Variants in RAB8A observed in about 807,000 individuals in gnomAD.
RAB8A encodes ras-related protein Rab-8A.
A neutral mutation model predicts 29.2 loss-of-function variants in RAB8A; 5 were observed. The ratio of observed to expected loss-of-function variants is 0.17; its 90% confidence interval spans 0.09 to 0.36. RAB8A has a LOEUF of 0.36. RAB8A is among the 10% of genes least tolerant of loss of function. The probability of loss-of-function intolerance (pLI) is 1.00; values close to 1 mark genes in which losing one functional copy is unlikely to be tolerated. For synonymous variants in RAB8A, 108 were observed against 99.9 expected (o/e 1.08, Z -0.49); for missense variants, 171 against 272.2 (o/e 0.63, Z 2.62).
Position 16,111,910 on chromosome 19 carries a change from G to A in RAB8A, c.9G>A (p.Lys3=), listed in dbSNP as rs1164742527. 2 of 1,613,888 alleles carry A rather than the reference G, an allele frequency of 1.2e-6. No individual in the cohort carries two copies. Among genetic ancestry groups the A allele is most frequent in the Non-Finnish European group, 1.7e-6 (2 of 1,179,884 alleles). Residue 3 remains lysine, a synonymous_variant, in exon 1 of 8, where the codon AAG becomes AAA. Transcript: ENST00000300935. ...CGGGGAGAGAGTGTAATATGGCGAA[G>A]ACCTACGATTACCTGTTCAAGCTGC... is the stretch of plus-strand genomic sequence containing the variant. MA[K]TYDYLFKLLL... is the part of the protein sequence containing the mutation.
Position 16,127,988 on chromosome 19 carries a change from G to A in RAB8A, c.415-38G>A, listed in dbSNP as rs369288283. On this transcript the variant is annotated intron_variant, in intron 5 of 7. Transcript: ENST00000300935. This position sits in a 1 kb window ranked among gnomAD's most constrained non-coding sequence, Gnocchi z 4.8. ...TTAGGCAAGCTCAGATGCGCCCGGC[G>A]GCTGGTGTGCTCATGCGTGTGCCTC... The A allele has an allele frequency of 1.0e-5, 16 of 1,607,752 alleles. No homozygotes were observed. Among genetic ancestry groups the A allele is most frequent in the African/African-American group, 6.7e-5 (5 of 74,772 alleles).
At chr19:16,112,326 C>T (rs921119042) in intron 1 of RAB8A, 2 of 355,788 alleles carry the variant, frequency 5.6e-6, no homozygotes, top group East Asian at 5.7e-5. Context: ...TCTGTCCTAG[C>T]AGCAGCCCTC....
At position 16,132,369 on chromosome 19, in the gene RAB8A, T is replaced by TC; in HGVS notation, c.*66dup. ...ACTGTGCCTGTTCTGAGTGAGCCCC[T>TC]CACTCAGCCGGGGCCCTCCCACCTC... On this transcript the variant is annotated 3_prime_UTR_variant, in exon 8 of 8. Coordinates refer to ENST00000300935, the MANE Select transcript of RAB8A (RefSeq NM_005370.5). The surrounding 1 kb of genome is among the most constrained non-coding windows in gnomAD (Gnocchi z 5.6). 1 of 1,535,038 alleles carries TC rather than the reference T, an allele frequency of 6.5e-7. No homozygotes were observed. Among genetic ancestry groups the TC allele is most frequent in the Non-Finnish European group, 8.9e-7 (1 of 1,124,036 alleles).
At chr19:16,121,460 T>A (rs1014807596) in intron 2 of RAB8A, among the ~76,000 whole-genome samples, 1 of 152,318 alleles carries the variant, frequency 6.6e-6, no homozygotes, top group South Asian at 2.1e-4. Flanking sequence ...CTGGCTCTTC[T>A]GTGAACCAGA....
At chr19:16,128,733 G>A (rs2090912766) in intron 6 of RAB8A, among the ~76,000 whole-genome samples, 1 of 152,190 alleles carries the variant, frequency 6.6e-6, no homozygotes, top group East Asian at 1.9e-4. Flanking sequence ...CAGGCCACCT[G>A]GGCTGCTCCC....
intron 2 of RAB8A, among the ~76,000 whole-genome samples, chr19:16,120,313 A>AT (rs546591257): frequency 0.025 from 3,305 of 130,434 alleles, 126 homozygotes; most frequent in African/African-American, 0.068. Flanking sequence ...GTCACCTTTA[A>AT]TTTTTTTTTT....
intron 3 of RAB8A, chr19:16,123,853 C>A (rs1247154028): frequency 2.6e-5 from 4 of 151,992 alleles, no homozygotes; most frequent in Non-Finnish European, 5.9e-5. Flanking sequence ...AGACGGGGCC[C>A]TGGAAAATAG....
chr19:16,129,293 G>A (rs1292417146), intron 6 of RAB8A, among the ~76,000 whole-genome samples: 5 of 151,966 alleles, frequency 3.3e-5, no homozygotes, highest in African/African-American at 9.7e-5. Flanking sequence ...TGGCACATGC[G>A]TAAAGTCCCG....
intron 6 of RAB8A, among the ~76,000 whole-genome samples, chr19:16,129,172 A>G (rs1250218059): frequency 6.6e-6 from 1 of 152,054 alleles, no homozygotes; most frequent in East Asian, 1.9e-4. Flanking sequence ...ATCCTTCTGG[A>G]TTGGTCGGTT....
intron 1 of RAB8A, among the ~76,000 whole-genome samples, chr19:16,117,315 C>T (rs2090850499): frequency 6.6e-6 from 1 of 151,932 alleles, no homozygotes; most frequent in African/African-American, 2.4e-5. Context: ...ACGGTGAAAC[C>T]CCATCTCTAC....
chr19:16,128,052 C>T lies in RAB8A; in HGVS notation c.441C>T (p.Phe147=), dbSNP rs762390729. ...TGGCCCTCGACTATGGAATCAAGTTCATGGAGACCAGCGCGAAGGCCAACA... is the reference window on the plus strand; with the variant it reads ...TGGCCCTCGACTATGGAATCAAGTTTATGGAGACCAGCGCGAAGGCCAACA... ...EKLALDYGIK[F]METSAKANIN... is the part of the protein sequence containing the mutation. The change falls in exon 6 of 8, where the codon TTC becomes TTT. Residue 147 remains phenylalanine, a synonymous_variant. Coordinates refer to ENST00000300935, the MANE Select transcript of RAB8A (RefSeq NM_005370.5). 1.2e-5 allele frequency: 19 copies of T among 1,614,062 alleles called. No homozygotes were observed. The highest frequency in any genetic ancestry group is 5.3e-5 in the African/African-American group (4 of 74,932).
intron 3 of RAB8A, among the ~76,000 whole-genome samples, chr19:16,123,334 G>A (rs569714073): frequency 4.6e-5 from 7 of 152,208 alleles, no homozygotes; most frequent in Admixed American, 2.6e-4. Flanking sequence ...CCAGCCAGGC[G>A]CAGTGGCTGA....
At position 16,127,308 on chromosome 19, in the gene RAB8A, C is replaced by T; in HGVS notation, c.325-129C>T. 4.1e-6 allele frequency: 2 copies of T among 489,876 alleles called. No individual in the cohort carries two copies. The highest frequency in any genetic ancestry group is 6.8e-6 in the Non-Finnish European group (2 of 295,760). 30.3% of individuals were successfully genotyped at this position (489,876 alleles called of 1,614,324 possible). A position where few individuals can be genotyped will look rare whatever the true frequency, so the allele number is the denominator to read the frequency against. ...TGGCCTCTCTGAGCTTCAGCTTGTCCCTTAGACCAGGCTGTACCTAGCAGT... is the reference window on the plus strand; with the variant it reads ...TGGCCTCTCTGAGCTTCAGCTTGTCTCTTAGACCAGGCTGTACCTAGCAGT... On this transcript the variant is annotated intron_variant, in intron 4 of 7. Coordinates refer to ENST00000300935, the MANE Select transcript of RAB8A (RefSeq NM_005370.5). The surrounding 1 kb of genome is among the most constrained non-coding windows in gnomAD (Gnocchi z 4.8).
At chr19:16,123,614 C>T (rs1253442959) in intron 3 of RAB8A, 1 of 152,110 alleles carries the variant, frequency 6.6e-6, no homozygotes, top group Non-Finnish European at 1.5e-5. Flanking sequence ...CGCTTAACTA[C>T]TTAATTAATT....
intron 2 of RAB8A, among the ~76,000 whole-genome samples, chr19:16,118,857 C>A (rs566969833): frequency 1.3e-5 from 2 of 152,306 alleles, no homozygotes; most frequent in Admixed American, 6.5e-5. Context: ...TTCCCATGCA[C>A]ATACAATTAG....
rs2090908056 is a variant in RAB8A, at chr19:16,127,689, T to C, written c.414+163T>C. 6.5e-6 allele frequency: 4 copies of C among 618,818 alleles called. No homozygotes were observed. Among genetic ancestry groups the C allele is most frequent in the Non-Finnish European group, 1.1e-5 (4 of 358,852 alleles). The allele number at this position is 618,818 out of a possible 1,614,324, so 38.3% of individuals were successfully genotyped here. A position where few individuals can be genotyped will look rare whatever the true frequency, so the allele number is the denominator to read the frequency against. The stretch of plus-strand genomic sequence containing the variant: ...GAAGCACACACCCAGCCGGGGCTTC[T>C]TGGGTGCACTCTGCGGGCATCTCAT... On this transcript the variant is annotated intron_variant, in intron 5 of 7. Coordinates refer to ENST00000300935, the MANE Select transcript of RAB8A (RefSeq NM_005370.5). This position sits in a 1 kb window ranked among gnomAD's most constrained non-coding sequence, Gnocchi z 4.8.
In RAB8A at chr19:16,125,014, TGTGC is replaced by T; in HGVS notation, c.247-455_247-452del. ...CGGGTCAGGACTTCCTGGGCTCAGT[TGTGC>T]CTGGTAGGTGGCTCAGGCAGAGCGT... On this transcript the variant is annotated intron_variant, in intron 3 of 7. Coordinates refer to ENST00000300935, the MANE Select transcript of RAB8A (RefSeq NM_005370.5). This position sits in a 1 kb window ranked among gnomAD's most constrained non-coding sequence, Gnocchi z 5.0. 1 of 225,596 alleles carries T rather than the reference TGTGC, an allele frequency of 4.4e-6. No individual in the cohort carries two copies. The highest frequency in any genetic ancestry group is 9.2e-6 in the Non-Finnish European group (1 of 108,918). The allele number at this position is 225,596 out of a possible 1,614,324, so 14.0% of individuals were successfully genotyped here.
chr19:16,119,631 C>T (rs1463164222), intron 2 of RAB8A, among the ~76,000 whole-genome samples: 1 of 148,280 alleles, frequency 6.7e-6, no homozygotes, highest in East Asian at 1.9e-4. Context: ...AGTTTCTCCA[C>T]TTCCAGCACG....
intron 3 of RAB8A, 169 bp downstream of exon 3, chr19:16,121,979 C>T (rs2090877525): frequency 1.7e-6 from 1 of 591,768 alleles, no homozygotes; most frequent in East Asian, 2.8e-5. Flanking sequence ...CCCCGGCCTA[C>T]CCCCATGTAC....
Sources: allele counts gnomAD v4.1 joint callset (sites outside exome capture counted in the v4.1 genomes callset), GRCh38; gene constraint gnomAD v4.1.1; non-coding constraint Gnocchi (gnomAD v3.1); transcripts MANE v1.5; gene names NCBI Gene and HGNC (gene_info 2026-07-23, HGNC 2026-07-21).